The following NPAS3 variants were observed in gnomAD, a reference collection of about 807,000 sequenced individuals.
NPAS3 encodes neuronal PAS domain protein 3.
NPAS3 carries 14 observed loss-of-function variants against 73.1 expected under a neutral mutation model. The observed-to-expected ratio is 0.19, with a 90% CI of 0.13 to 0.30. The LOEUF is 0.30. Ranked by LOEUF, NPAS3 falls within the 10% of genes least tolerant of loss-of-function variation. NPAS3 has a pLI of 1.00. For synonymous variants in NPAS3, 620 were observed against 541.5 expected (o/e 1.14, Z -2.01); for missense variants, 1,096 against 1,250.0 (o/e 0.88, Z 1.86).
chr14:33,283,376 G>A (rs151331606), intron 3 of NPAS3, among the ~76,000 whole-genome samples: 38 of 152,304 alleles, frequency 2.5e-4, no homozygotes, highest in African/African-American at 7.2e-4. Flanking sequence ...TGATATAGGC[G>A]TTATTAACAG....
At chr14:33,124,030 T>G (rs1361818037) in intron 2 of NPAS3, among the ~76,000 whole-genome samples, 1 of 151,916 alleles carries the variant, frequency 6.6e-6, no homozygotes, top group African/African-American at 2.4e-5. Flanking sequence ...CTGGCTTATT[T>G]TTTTGTAGAG....
At chr14:33,610,566 G>A (rs1207416310) in intron 5 of NPAS3, among the ~76,000 whole-genome samples, 1 of 151,922 alleles carries the variant, frequency 6.6e-6, no homozygotes, top group African/African-American at 2.4e-5. Flanking sequence ...TCTCTCACCA[G>A]TATTTTTAAA....
chr14:33,459,811 C>T (rs2050178166), intron 4 of NPAS3, among the ~76,000 whole-genome samples: 2 of 152,242 alleles, frequency 1.3e-5, no homozygotes, highest in Middle Eastern at 3.4e-3. Flanking sequence ...CTTATTTTTT[C>T]ATTGGGTGCC....
At chr14:33,632,217 A>G (rs1388652876) in intron 5 of NPAS3, among the ~76,000 whole-genome samples, 1 of 152,168 alleles carries the variant, frequency 6.6e-6, no homozygotes, top group Non-Finnish European at 1.5e-5. Context: ...AAGCGTGTCA[A>G]CTTTAGCCAT....
intron 1 of NPAS3, among the ~76,000 whole-genome samples, chr14:33,048,999 A>T (rs558563983): frequency 1.8e-4 from 28 of 152,340 alleles, no homozygotes; most frequent in African/African-American, 6.7e-4. Context: ...TACAAAATGT[A>T]GATCAAAGCC....
chr14:33,616,596 C>T (rs962062171), intron 5 of NPAS3, among the ~76,000 whole-genome samples: 2 of 152,092 alleles, frequency 1.3e-5, no homozygotes, highest in Non-Finnish European at 2.9e-5. Context: ...TTTTAAAATG[C>T]TTGCCTTAGT....
At chr14:33,400,821 T>A (rs1851417655) in intron 4 of NPAS3, among the ~76,000 whole-genome samples, 1 of 151,962 alleles carries the variant, frequency 6.6e-6, no homozygotes, top group African/African-American at 2.4e-5. Context: ...GGTGTGTGTA[T>A]GTGTGTTTGC....
chr14:33,262,973 T>C (rs1445823857), intron 3 of NPAS3, among the ~76,000 whole-genome samples: 1 of 152,196 alleles, frequency 6.6e-6, no homozygotes, highest in African/African-American at 2.4e-5. Context: ...TGGGGTTGTT[T>C]GTTTTTTTCT....
At chr14:33,112,708 T>G (rs1371273534) in intron 2 of NPAS3, among the ~76,000 whole-genome samples, 3 of 152,224 alleles carry the variant, frequency 2.0e-5, no homozygotes, top group African/African-American at 4.8e-5. Context: ...TTGTTGCCAT[T>G]GCTTTTAGTG....
At chr14:33,751,477 G>C (rs1595551935) in intron 7 of NPAS3, among the ~76,000 whole-genome samples, 1 of 152,088 alleles carries the variant, frequency 6.6e-6, no homozygotes, top group Non-Finnish European at 1.5e-5. Flanking sequence ...ACTAAGACCT[G>C]TATGCATTGA....
intron 3 of NPAS3, among the ~76,000 whole-genome samples, chr14:33,303,938 C>T (rs891444305): frequency 7.2e-5 from 11 of 152,040 alleles, no homozygotes; most frequent in East Asian, 1.9e-4. Context: ...GACGGAGTCT[C>T]GCTCTGTTGC....
chr14:33,310,790 TACACACACACACACAC>T lies in NPAS3; in HGVS notation c.386-56366_386-56351del, dbSNP rs57506320. Among the ~76,000 whole-genome samples the T allele has an allele frequency of 9.4e-3, 1,342 of 142,252 alleles. 65 individuals carry two copies. In the East Asian group the frequency reaches 0.13, roughly 14 times the overall value. 93.3% of individuals were successfully genotyped at this position (142,252 alleles called of 152,430 possible). The stretch of plus-strand genomic sequence containing the variant: ...AAATTCAGTAGAATGAAATGTATGG[TACACACACACACACAC>T]ACACACACACACACACACACACACA... On this transcript the variant is annotated intron_variant, in intron 3 of 11. Coordinates refer to ENST00000356141, the Ensembl canonical transcript of NPAS3.
intron 4 of NPAS3, among the ~76,000 whole-genome samples, chr14:33,517,143 G>A (rs1185301798): frequency 6.6e-6 from 1 of 152,084 alleles, no homozygotes; most frequent in African/African-American, 2.4e-5. Flanking sequence ...GGTTTTGACA[G>A]AGTAAACAAA....
At chr14:33,338,056 G>A (rs1032426506) in intron 3 of NPAS3, among the ~76,000 whole-genome samples, 2 of 151,334 alleles carry the variant, frequency 1.3e-5, no homozygotes, top group Admixed American at 6.6e-5. Flanking sequence ...AATCTCTATA[G>A]CTTCAATGTC....
At chr14:33,144,570 C>A (rs893513310) in intron 2 of NPAS3, among the ~76,000 whole-genome samples, 12 of 152,092 alleles carry the variant, frequency 7.9e-5, no homozygotes, top group African/African-American at 2.4e-4. Flanking sequence ...GAGACAGAGT[C>A]TCCCTCTATC....
At chr14:32,999,644 T>C (rs2038730737) in intron 1 of NPAS3, among the ~76,000 whole-genome samples, 1 of 152,234 alleles carries the variant, frequency 6.6e-6, no homozygotes, top group Admixed American at 6.5e-5. Context: ...TTATTTCCTT[T>C]AATATTTTGG....
At chr14:33,304,467 G>T (rs1415632757) in intron 3 of NPAS3, among the ~76,000 whole-genome samples, 1 of 151,572 alleles carries the variant, frequency 6.6e-6, no homozygotes, top group Non-Finnish European at 1.5e-5. Context: ...TGAAACAGTA[G>T]GGTGTAGGTG....
intron 2 of NPAS3, among the ~76,000 whole-genome samples, chr14:33,198,465 A>G (rs1325008107): frequency 6.6e-6 from 1 of 152,228 alleles, no homozygotes; most frequent in African/African-American, 2.4e-5. Flanking sequence ...TCCTGTAGCT[A>G]GACATAAAAG....
intron 3 of NPAS3, among the ~76,000 whole-genome samples, chr14:33,298,154 A>G (rs1276572965): frequency 6.6e-6 from 1 of 152,138 alleles, no homozygotes; most frequent in South Asian, 2.1e-4. Flanking sequence ...ATGGTGGTAC[A>G]TGCCTGTAAT....
Sources: gnomAD v4.1 joint callset for allele counts (sites outside exome capture counted in the v4.1 genomes callset) on GRCh38, gnomAD v4.1.1 for gene constraint, MANE v1.5 for transcripts, NCBI Gene and HGNC (gene_info 2026-07-23, HGNC 2026-07-21) for gene names.